PLCG2: variants seen among roughly 807,000 people sequenced by gnomAD.
PLCG2 encodes phospholipase C gamma 2, also known as 1-phosphatidylinositol 4,5-bisphosphate phosphodiesterase gamma-2.
A neutral mutation model predicts 175.6 loss-of-function variants in PLCG2; 69 were observed. The observed-to-expected ratio is 0.39, with a 90% CI of 0.32 to 0.48. The LOEUF (loss-of-function observed/expected upper bound fraction) is 0.48, where lower values mean the gene tolerates loss of function less well. Ranked by LOEUF, PLCG2 falls within the 20% of genes least tolerant of loss-of-function variation. The pLI is 0.91. For missense variants in PLCG2, 1,798 were observed against 1,650.9 expected, an observed-to-expected ratio of 1.09 and a Z score of -1.54; for synonymous variants, 827 against 624.0, an observed-to-expected ratio of 1.33 and a Z score of -4.85.
intron 22 of PLCG2, among the ~76,000 whole-genome samples, chr16:81,925,272 C>T (rs17202240): frequency 2.0e-5 from 3 of 152,192 alleles, no homozygotes; most frequent in South Asian, 4.1e-4. Context: ...TGGGTGAAAC[C>T]GGCTTTTTTG....
chr16:81,808,276 G>A (rs927833027), intron 2 of PLCG2, among the ~76,000 whole-genome samples: 7 of 152,126 alleles, frequency 4.6e-5, no homozygotes, highest in Non-Finnish European at 1.0e-4. Context: ...CATTTGCCAA[G>A]GCCTGTTGGC....
chr16:81,864,163 C>G (rs567702738), intron 5 of PLCG2, among the ~76,000 whole-genome samples: 3 of 152,238 alleles, frequency 2.0e-5, no homozygotes, highest in African/African-American at 7.2e-5. Flanking sequence ...CTGCTGGGCT[C>G]CATCTCACAG....
chr16:81,771,385 A>T (rs1176658809), intron 2 of PLCG2, among the ~76,000 whole-genome samples: 1 of 152,182 alleles, frequency 6.6e-6, no homozygotes, highest in Non-Finnish European at 1.5e-5. Context: ...TTCTAAAAGC[A>T]CTGATGAGTT....
chr16:81,892,030 A>G (rs916417822), intron 11 of PLCG2, among the ~76,000 whole-genome samples: 1 of 152,178 alleles, frequency 6.6e-6, no homozygotes, highest in Non-Finnish European at 1.5e-5. Context: ...ATGTGCTGGG[A>G]GGAAGACCTC....
chr16:81,757,956 T>A (rs1002069888), intron 2 of PLCG2, among the ~76,000 whole-genome samples: 2 of 152,168 alleles, frequency 1.3e-5, no homozygotes, highest in South Asian at 4.1e-4. Context: ...CATCATGTGC[T>A]GTCGTTATTG....
In PLCG2 at chr16:81,786,193, G is replaced by A. The variant is rs777408502; in HGVS notation, c.193+11G>A. ...AGATCGAGGGCTTCTGTGAGTACTC[G>A]CTGGGTGGGGCAGTGTGGCCCGTCC... On this transcript the variant is annotated intron_variant, in intron 2 of 32. Coordinates refer to ENST00000564138, the MANE Select transcript of PLCG2 (RefSeq NM_002661.5). The A allele has an allele frequency of 2.2e-5, 35 of 1,610,822 alleles. No homozygotes were observed. The highest frequency in any genetic ancestry group is 2.7e-5 in the African/African-American group (2 of 74,892).
At chr16:81,747,684 A>G (rs1909731517) in intron 1 of PLCG2, among the ~76,000 whole-genome samples, 4 of 152,210 alleles carry the variant, frequency 2.6e-5, no homozygotes, top group Admixed American at 2.6e-4. Flanking sequence ...AATAAGGTGC[A>G]ACATCATCTA....
chr16:81,937,558 A>C, intron 27 of PLCG2, 200 bp from the exon 28 acceptor site: 2 of 431,614 alleles, frequency 4.6e-6, no homozygotes, highest in Non-Finnish European at 8.2e-6. Flanking sequence ...ATTTGGTGAC[A>C]TACTTGGAAA....
At chr16:81,928,089 A>G (rs547404053) in intron 23 of PLCG2, among the ~76,000 whole-genome samples, 20 of 152,202 alleles carry the variant, frequency 1.3e-4, no homozygotes, top group African/African-American at 4.6e-4. Flanking sequence ...CAAGGGTGCA[A>G]TGGGAGGCAG....
chr16:81,885,107 A>G (rs1242270470), intron 9 of PLCG2, among the ~76,000 whole-genome samples: 2 of 151,050 alleles, frequency 1.3e-5, no homozygotes, highest in African/African-American at 2.4e-5. Context: ...CTGGAGTACA[A>G]TGGCTCTGTC....
chr16:81,765,719 T>G (rs1217027604), intron 2 of PLCG2, among the ~76,000 whole-genome samples: 1 of 152,168 alleles, frequency 6.6e-6, no homozygotes, highest in African/African-American at 2.4e-5. Flanking sequence ...GTTATGGTGT[T>G]TGTTATAGCA....
intron 2 of PLCG2, among the ~76,000 whole-genome samples, chr16:81,831,321 A>C (rs1281934926): frequency 6.6e-6 from 1 of 151,930 alleles, no homozygotes; most frequent in Non-Finnish European, 1.5e-5. Flanking sequence ...GCTTTTACCT[A>C]CTCTTTGTTG....
chr16:81,870,294 AT>A (rs1907451004), intron 6 of PLCG2, among the ~76,000 whole-genome samples: 1 of 152,190 alleles, frequency 6.6e-6, no homozygotes, highest in Admixed American at 6.5e-5. Context: ...TGGTTCTCCC[AT>A]TTTACAGGTA....
intron 30 of PLCG2, among the ~76,000 whole-genome samples, chr16:81,943,488 A>T (rs1911034126): frequency 6.6e-6 from 1 of 152,120 alleles, no homozygotes; most frequent in South Asian, 2.1e-4. Context: ...GTCACCTCCC[A>T]CCCGGCCCCA....
intron 2 of PLCG2, among the ~76,000 whole-genome samples, chr16:81,829,356 G>A (rs757982535): frequency 2.0e-5 from 3 of 152,110 alleles, no homozygotes; most frequent in East Asian, 1.9e-4. Context: ...TGATCTGCCC[G>A]CCTCGGCCTC....
Position 81,896,168 on chromosome 16 carries a change from C to A in PLCG2, c.1193+241C>A, listed in dbSNP as rs892407422. ...CCCCGAGGAGGCTCTGGCTGGGGAA[C>A]CCTGTGGCTGCTCAGTGCCCACCCC... On this transcript the variant is annotated intron_variant, in intron 13 of 32. Transcript: ENST00000564138. Among the ~76,000 whole-genome samples, 9 of 152,134 alleles carry A rather than the reference C, an allele frequency of 5.9e-5. 1 individual carries two copies. The highest frequency in any genetic ancestry group is 4.6e-4 in the Admixed American group (7 of 15,280).
chr16:81,921,331 C>T, intron 21 of PLCG2, 62 bp downstream of exon 21: 2 of 1,072,194 alleles, frequency 1.9e-6, no homozygotes, highest in Non-Finnish European at 2.9e-6. Flanking sequence ...TGGATTCCAT[C>T]TTGTTCCCAT....
At chr16:81,936,110 A>T in intron 26 of PLCG2, 59 bp from the exon 27 acceptor site, 1 of 1,595,200 alleles carries the variant, frequency 6.3e-7, no homozygotes, top group Non-Finnish European at 8.5e-7. Flanking sequence ...TGCAGCAAAC[A>T]TTAAGAAAAT....
chr16:81,765,448 T>C (rs926623949), intron 2 of PLCG2, among the ~76,000 whole-genome samples: 2 of 152,176 alleles, frequency 1.3e-5, no homozygotes, highest in Non-Finnish European at 2.9e-5. Context: ...CTGGGCTACA[T>C]GATGAAACCC....
Sources: gnomAD v4.1 joint callset for allele counts (sites outside exome capture counted in the v4.1 genomes callset) on GRCh38, gnomAD v4.1.1 for gene constraint, MANE v1.5 for transcripts, NCBI Gene and HGNC (gene_info 2026-07-23, HGNC 2026-07-21) for gene names.